Variants in RNF150 observed in about 807,000 individuals in gnomAD.
RNF150 encodes ring finger protein 150.
In RNF150, 24 loss-of-function variants were observed where a neutral mutation model predicts 39.3. That is an observed-to-expected ratio of 0.61 (90% CI 0.44 to 0.86). The LOEUF (loss-of-function observed/expected upper bound fraction) is 0.86, where lower values mean the gene tolerates loss of function less well. RNF150 is among the 40% of genes least tolerant of loss of function. The pLI, the probability that RNF150 is intolerant of heterozygous loss-of-function variation, is 0.00. For missense variants in RNF150, 502 were observed against 587.8 expected, an observed-to-expected ratio of 0.85 and a Z score of 1.51; for synonymous variants, 255 against 227.3, an observed-to-expected ratio of 1.12 and a Z score of -1.10.
chr4:141,056,618 T>C (rs972988059), intron 1 of RNF150, among the ~76,000 whole-genome samples: 3 of 151,844 alleles, frequency 2.0e-5, no homozygotes, highest in Non-Finnish European at 2.9e-5. Flanking sequence ...TGCTAAAATA[T>C]GCAACAGAAG....
intron 4 of RNF150, among the ~76,000 whole-genome samples, chr4:140,931,704 A>G (rs558513595): frequency 3.3e-4 from 50 of 152,254 alleles, no homozygotes; most frequent in Non-Finnish European, 6.5e-4. Flanking sequence ...AATACAACAA[A>G]GAGTTGGCCA....
At chr4:141,009,817 T>C (rs1735008278) in intron 1 of RNF150, among the ~76,000 whole-genome samples, 1 of 152,194 alleles carries the variant, frequency 6.6e-6, no homozygotes, top group Non-Finnish European at 1.5e-5. Context: ...ACTTTGATTT[T>C]GGGTTATTCT....
chr4:141,183,481 C>T (rs2111191270), intron 1 of RNF150, among the ~76,000 whole-genome samples: 1 of 151,812 alleles, frequency 6.6e-6, no homozygotes, highest in South Asian at 2.1e-4. Flanking sequence ...AATTAAGGTC[C>T]CTAATCAGTT....
chr4:141,049,613 A>G (rs1008753253), intron 1 of RNF150, among the ~76,000 whole-genome samples: 1 of 152,148 alleles, frequency 6.6e-6, no homozygotes, highest in Non-Finnish European at 1.5e-5. Flanking sequence ...TTTAATGACA[A>G]AAGTCTTCAG....
At chr4:140,976,247 T>A (rs987391706) in intron 1 of RNF150, among the ~76,000 whole-genome samples, 4 of 152,106 alleles carry the variant, frequency 2.6e-5, no homozygotes, top group Non-Finnish European at 5.9e-5. Flanking sequence ...TCTAGCCCCA[T>A]CACATCCTCC....
At chr4:140,938,523 A>G (rs948280339) in intron 4 of RNF150, among the ~76,000 whole-genome samples, 1 of 152,208 alleles carries the variant, frequency 6.6e-6, no homozygotes, top group Non-Finnish European at 1.5e-5. Context: ...GTTTCCGTCC[A>G]ATGAGGATAA....
chr4:141,202,125 C>G (rs151042376), intron 1 of RNF150, among the ~76,000 whole-genome samples: 1 of 152,188 alleles, frequency 6.6e-6, no homozygotes, highest in African/African-American at 2.4e-5. Flanking sequence ...TGCAAATTAC[C>G]CAGTCTAAGG....
intron 1 of RNF150, among the ~76,000 whole-genome samples, chr4:140,993,088 A>T (rs1022007585): frequency 6.6e-6 from 1 of 152,152 alleles, no homozygotes; most frequent in African/African-American, 2.4e-5. Flanking sequence ...TATCACTGCT[A>T]TGAGAGATTG....
At chr4:141,055,538 C>T (rs376286188) in intron 1 of RNF150, among the ~76,000 whole-genome samples, 1 of 152,010 alleles carries the variant, frequency 6.6e-6, no homozygotes, top group South Asian at 2.1e-4. Context: ...CACTCAAATG[C>T]TAAAATTGGG....
At chr4:141,046,756 T>G (rs1328603623) in intron 1 of RNF150, among the ~76,000 whole-genome samples, 1 of 152,098 alleles carries the variant, frequency 6.6e-6, no homozygotes, top group Non-Finnish European at 1.5e-5. Flanking sequence ...TACAAGAGAG[T>G]GCCTCCCTCA....
chr4:140,939,107 C>CA (rs1731978497), intron 4 of RNF150, among the ~76,000 whole-genome samples: 1 of 152,198 alleles, frequency 6.6e-6, no homozygotes, highest in Admixed American at 6.5e-5. Flanking sequence ...CTGTCTGACT[C>CA]AGATACTCAA....
rs148895819 is a variant in RNF150 at position 141,054,108 on chromosome 4, C to T, written c.484+78217G>A. Among the ~76,000 whole-genome samples, 791 of 152,172 alleles carry T rather than the reference C, an allele frequency of 5.2e-3. 5 individuals are homozygous for T. Among genetic ancestry groups the T allele is most frequent in the Non-Finnish European group, 9.2e-3 (626 of 68,002 alleles). ...CATATTTTCTTGTCTAATCTATGTC[C>T]GTAAGTCTACAGATTTGCCTAGTTA... On this transcript the variant is annotated intron_variant, in intron 1 of 6. Transcript: ENST00000515673.
chr4:140,949,337 G>A lies in RNF150; in HGVS notation c.771C>T (p.Ser257=). Residue 257 remains serine, a synonymous_variant, in exon 3 of 7, where the codon AGC becomes AGT. Transcript: ENST00000515673. ...RLGDAAKKAI[S]KLQIRTIKKG... is the part of the protein sequence containing the mutation. ...TCTTGATGGTCCTGATCTGGAGTTT[G>A]CTGATGGCTTTCTTTGCTGCATCCC... The A allele has an allele frequency of 6.2e-7, 1 of 1,613,180 alleles. No homozygotes were observed. Among genetic ancestry groups the A allele is most frequent in the Non-Finnish European group, 8.5e-7 (1 of 1,179,494 alleles).
chr4:141,050,116 T>C (rs549013081), intron 1 of RNF150, among the ~76,000 whole-genome samples: 153 of 152,210 alleles, frequency 1.0e-3, no homozygotes, highest in Middle Eastern at 3.4e-3. Context: ...CATGTAAGTA[T>C]ATATAAGTAT....
intron 1 of RNF150, among the ~76,000 whole-genome samples, chr4:141,153,105 A>C (rs10014312): frequency 6.6e-6 from 1 of 151,854 alleles, no homozygotes; most frequent in Non-Finnish European, 1.5e-5. Flanking sequence ...ACTGAGAAAA[A>C]TTTTTAATTC....
At chr4:141,040,299 C>T (rs1420868694) in intron 1 of RNF150, among the ~76,000 whole-genome samples, 1 of 152,030 alleles carries the variant, frequency 6.6e-6, no homozygotes, top group Non-Finnish European at 1.5e-5. Flanking sequence ...TATTTTCTAA[C>T]ACTGCAATCA....
intron 6 of RNF150, among the ~76,000 whole-genome samples, chr4:140,873,609 TTC>T (rs1218669447): frequency 6.6e-6 from 1 of 152,232 alleles, no homozygotes; most frequent in African/African-American, 2.4e-5. Flanking sequence ...AGTCATCTCA[TTC>T]TCTGTCTTCA....
intron 1 of RNF150, among the ~76,000 whole-genome samples, chr4:141,013,825 C>CT (rs530094540): frequency 2.6e-5 from 4 of 152,096 alleles, no homozygotes; most frequent in African/African-American, 9.7e-5. Context: ...GCTTACTTAT[C>CT]TTTTTTTGTG....
At chr4:141,141,324 AATG>A (rs1727114241) in intron 1 of RNF150, among the ~76,000 whole-genome samples, 3 of 152,198 alleles carry the variant, frequency 2.0e-5, no homozygotes, top group African/African-American at 7.2e-5. Context: ...TGATTCTGTT[AATG>A]AGGTCATGTA....
Sources: gnomAD v4.1 joint callset for allele counts (sites outside exome capture counted in the v4.1 genomes callset) on GRCh38, gnomAD v4.1.1 for gene constraint, MANE v1.5 for transcripts, NCBI Gene and HGNC (gene_info 2026-07-23, HGNC 2026-07-21) for gene names.